CNTNAP2: variants seen among roughly 807,000 people sequenced by gnomAD.
The protein encoded by CNTNAP2 is contactin associated protein 2.
CNTNAP2 carries 98 observed loss-of-function variants against 155.2 expected under a neutral mutation model. That is an observed-to-expected ratio of 0.63 (90% CI 0.54 to 0.75). The LOEUF (loss-of-function observed/expected upper bound fraction) is 0.75, where lower values mean the gene tolerates loss of function less well. CNTNAP2 is among the 30% of genes least tolerant of loss of function. The pLI, the probability that CNTNAP2 is intolerant of heterozygous loss-of-function variation, is 0.00. For missense variants in CNTNAP2, 1,727 were observed against 1,688.1 expected (o/e 1.02, Z -0.40); for synonymous variants, 651 against 631.2 (o/e 1.03, Z -0.47).
At chr7:146,354,846 C>T (rs1304321880) in intron 1 of CNTNAP2, among the ~76,000 whole-genome samples, 1 of 152,126 alleles carries the variant, frequency 6.6e-6, no homozygotes, top group Non-Finnish European at 1.5e-5. Flanking sequence ...TGGGTATATT[C>T]TTGTGAAATG....
intron 1 of CNTNAP2, among the ~76,000 whole-genome samples, chr7:146,502,110 G>A (rs948499007): frequency 1.3e-5 from 2 of 151,342 alleles, no homozygotes; most frequent in African/African-American, 4.9e-5. Context: ...TTGTCTTTAT[G>A]TGCCTGGCCT....
intron 3 of CNTNAP2, among the ~76,000 whole-genome samples, chr7:146,985,376 G>T (rs1798097514): frequency 1.4e-5 from 2 of 145,606 alleles, no homozygotes; most frequent in Non-Finnish European, 3.0e-5. Flanking sequence ...GAAGTGCAGT[G>T]GTGCAGTCTC....
intron 8 of CNTNAP2, among the ~76,000 whole-genome samples, chr7:147,297,390 T>A (rs1396169994): frequency 6.6e-6 from 1 of 152,130 alleles, no homozygotes; most frequent in Admixed American, 6.5e-5. Flanking sequence ...GACAGAAAAT[T>A]AGTAAGTATG....
intron 3 of CNTNAP2, among the ~76,000 whole-genome samples, chr7:147,017,164 G>C (rs1241756013): frequency 6.6e-6 from 1 of 151,542 alleles, no homozygotes; most frequent in Non-Finnish European, 1.5e-5. Flanking sequence ...TTCTTCTTCT[G>C]TCATATTTTA....
chr7:146,629,708 C>A (rs1173101864), intron 1 of CNTNAP2, among the ~76,000 whole-genome samples: 1 of 152,034 alleles, frequency 6.6e-6, no homozygotes, highest in Non-Finnish European at 1.5e-5. Context: ...AAACAATTTT[C>A]TTCTTGCAGA....
intron 9 of CNTNAP2, among the ~76,000 whole-genome samples, chr7:147,318,683 A>T (rs1795283535): frequency 6.6e-6 from 1 of 151,912 alleles, no homozygotes; most frequent in South Asian, 2.1e-4. Flanking sequence ...GGGCAAGGGG[A>T]GGGAGAGCAA....
chr7:147,924,761 T>G lies in CNTNAP2; in HGVS notation c.2255+21040T>G, dbSNP rs1416644422. Among the ~76,000 whole-genome samples the G allele has an allele frequency of 2.0e-5, 3 of 152,018 alleles. No homozygotes were observed. The East Asian group carries it at 5.8e-4, about 30-fold the overall frequency. ...TCTTAGACTGTCCTTGTGCAGAGTA[T>G]GAGAGCCAAGCTGTACATAGAGTAG... On this transcript the variant is annotated intron_variant, in intron 14 of 23. Transcript: ENST00000361727.
intron 11 of CNTNAP2, among the ~76,000 whole-genome samples, chr7:147,547,533 C>T (rs1023436661): frequency 2.0e-5 from 3 of 152,140 alleles, no homozygotes; most frequent in Admixed American, 6.6e-5. Flanking sequence ...TTTGCCAGAA[C>T]AGTAGTAACT....
At chr7:146,203,319 A>G (rs1429074715) in intron 1 of CNTNAP2, among the ~76,000 whole-genome samples, 2 of 152,236 alleles carry the variant, frequency 1.3e-5, no homozygotes, top group African/African-American at 4.8e-5. Context: ...TCTGATGGAC[A>G]AGCTACAAAT....
intron 3 of CNTNAP2, among the ~76,000 whole-genome samples, chr7:146,907,274 C>T (rs559440506): frequency 1.4e-4 from 20 of 145,638 alleles, no homozygotes; most frequent in African/African-American, 3.1e-4. Flanking sequence ...GGCAGGCCAA[C>T]GTTCAGATTC....
intron 1 of CNTNAP2, among the ~76,000 whole-genome samples, chr7:146,217,321 A>C (rs1482020067): frequency 1.3e-5 from 2 of 152,200 alleles, no homozygotes; most frequent in East Asian, 1.9e-4. Context: ...GTTTACGTTC[A>C]TTGCATCACA....
intron 8 of CNTNAP2, among the ~76,000 whole-genome samples, chr7:147,199,106 C>T (rs902032779): frequency 1.6e-4 from 24 of 151,894 alleles, no homozygotes; most frequent in Admixed American, 6.6e-4. Flanking sequence ...GGACTACAGG[C>T]GCACACCGTC....
At chr7:146,903,037 G>A (rs979192513) in intron 3 of CNTNAP2, among the ~76,000 whole-genome samples, 9 of 152,146 alleles carry the variant, frequency 5.9e-5, no homozygotes, top group African/African-American at 1.4e-4. Context: ...CATATCTACC[G>A]ATATTGGGAG....
At chr7:147,797,438 G>C (rs187290459) in intron 13 of CNTNAP2, among the ~76,000 whole-genome samples, 85 of 152,106 alleles carry the variant, frequency 5.6e-4, no homozygotes, top group African/African-American at 1.8e-3. Context: ...AAGTATTTAA[G>C]ACTTGTACTC....
intron 23 of CNTNAP2, among the ~76,000 whole-genome samples, chr7:148,413,568 C>T (rs561263527): frequency 6.7e-6 from 1 of 150,260 alleles, no homozygotes; most frequent in African/African-American, 2.4e-5. Context: ...TAGGATTGGT[C>T]TAATATCATT....
chr7:147,224,500 C>T lies in CNTNAP2; in HGVS notation c.1349-75641C>T, dbSNP rs142516453. ...CTGACCTGTGGGCTATGTGTGCTAC[C>T]GTAACAGTGTGACACTTTCTACCCT... On this transcript the variant is annotated intron_variant, in intron 8 of 23. Transcript: ENST00000361727. 7.8e-3 allele frequency among the ~76,000 whole-genome samples: 1,179 copies of T among 152,086 alleles called. 20 individuals carry two copies. The highest frequency in any genetic ancestry group is 0.027 in the African/African-American group (1,106 of 41,460).
intron 13 of CNTNAP2, among the ~76,000 whole-genome samples, chr7:147,852,666 A>G (rs1312225727): frequency 1.3e-5 from 2 of 152,208 alleles, no homozygotes; most frequent in Non-Finnish European, 1.5e-5. Context: ...AATCTGTACC[A>G]GGTAATTCTC....
At chr7:147,742,001 A>G (rs1796963696) in intron 13 of CNTNAP2, among the ~76,000 whole-genome samples, 1 of 152,216 alleles carries the variant, frequency 6.6e-6, no homozygotes, top group Non-Finnish European at 1.5e-5. Context: ...AGGAGGAGCA[A>G]GTCACATCTT....
chr7:147,326,081 C>T (rs1795451321), intron 9 of CNTNAP2, among the ~76,000 whole-genome samples: 1 of 152,124 alleles, frequency 6.6e-6, no homozygotes. Flanking sequence ...CGCCACCACA[C>T]CCGGCTAATT....
Sources: allele counts gnomAD v4.1 joint callset (sites outside exome capture counted in the v4.1 genomes callset), GRCh38; gene constraint gnomAD v4.1.1; transcripts MANE v1.5; gene names NCBI Gene and HGNC (gene_info 2026-07-23, HGNC 2026-07-21).